Variants in LGALS8 observed in about 807,000 individuals in gnomAD.
LGALS8 encodes the protein galectin-8.
LGALS8 carries 30 observed loss-of-function variants against 35.9 expected under a neutral mutation model. That is an observed-to-expected ratio of 0.83 (90% CI 0.62 to 1.13). The LOEUF (loss-of-function observed/expected upper bound fraction) is 1.13, where lower values mean the gene tolerates loss of function less well. Among genes scored for constraint, LGALS8 ranks in the 50% most tolerant of loss-of-function variants. The pLI is 0.00. For missense variants in LGALS8, 366 were observed against 388.7 expected (o/e 0.94, Z 0.49); for synonymous variants, 138 against 136.1 (o/e 1.01, Z -0.10).
chr1:236,521,753 G>T (rs1302748952), upstream of LGALS8, among the ~76,000 whole-genome samples: 1 of 151,896 alleles, frequency 6.6e-6, no homozygotes, highest in African/African-American at 2.4e-5. Flanking sequence ...ACTTGAACAC[G>T]GTAGGCAGAG....
At chr1:236,535,288 G>A (rs1299685606) in intron 2 of LGALS8, among the ~76,000 whole-genome samples, 1 of 151,576 alleles carries the variant, frequency 6.6e-6, no homozygotes, top group Non-Finnish European at 1.5e-5. Context: ...TTTCTTTAGT[G>A]TTTCTCTTTT....
chr1:236,524,594 CG>C (rs1216806063), intron 1 of LGALS8: 1 of 363,808 alleles, frequency 2.7e-6, no homozygotes, highest in African/African-American at 2.1e-5. Flanking sequence ...TTCCTTTGAC[CG>C]TACGTGAAAC....
chr1:236,526,299 A>C lies in LGALS8; in HGVS notation c.45+184A>C. 2.1e-6 allele frequency: 1 copy of C among 465,770 alleles called. No individual in the cohort carries two copies. The highest frequency in any genetic ancestry group is 3.1e-5 in the East Asian group (1 of 32,150). The allele number at this position is 465,770 out of a possible 1,614,324, so 28.9% of individuals were successfully genotyped here. On this transcript the variant is annotated intron_variant, in intron 2 of 9. Coordinates refer to ENST00000366584, the MANE Select transcript of LGALS8 (RefSeq NM_201544.4). This position sits in a 1 kb window ranked among gnomAD's most constrained non-coding sequence, Gnocchi z 4.6. ...GCTCTTGTCCTCTAGTGGAGGAAGA[A>C]GTCACAATGATAATATGACGTGATG...
In LGALS8 at chr1:236,542,792, G is replaced by C; in HGVS notation, c.549+5G>C. 1.2e-6 allele frequency: 2 copies of C among 1,614,208 alleles called. No individual in the cohort carries two copies. Among genetic ancestry groups the C allele is most frequent in the Non-Finnish European group, 1.7e-6 (2 of 1,180,030 alleles). ...AAGTCTGGCACGCCCCAGCTTGTGA[G>C]TATTTTTGCCTGGGTTATTTCATGT... On this transcript the variant is annotated splice_donor_5th_base_variant and intron_variant, in intron 7 of 9. Transcript: ENST00000366584.
upstream of LGALS8, chr1:236,523,962 T>C (rs1487311488): frequency 5.3e-6 from 2 of 378,704 alleles, no homozygotes; most frequent in Non-Finnish European, 1.1e-5. Context: ...TCCTGTCGCT[T>C]CCCGTAGCCG....
At chr1:236,541,053 C>T (rs1661958792) in intron 5 of LGALS8, among the ~76,000 whole-genome samples, 1 of 152,148 alleles carries the variant, frequency 6.6e-6, no homozygotes, top group Non-Finnish European at 1.5e-5. Context: ...AAAGATGAAC[C>T]ACATATACAA....
At position 236,524,021 on chromosome 1, in the gene LGALS8, A is replaced by G; in HGVS notation, c.-144A>G. ...CCCTGACGGCACTTAGCTGCTGACA[A>G]ACAACCTGCTCCGTGGAGCGCCTGA... On this transcript the variant is annotated 5_prime_UTR_variant, in exon 1 of 10. Transcript: ENST00000366584. 1 of 428,998 alleles carries G rather than the reference A, an allele frequency of 2.3e-6. No individual in the cohort carries two copies. Among genetic ancestry groups the G allele is most frequent in the East Asian group, 7.1e-5 (1 of 14,034 alleles). The allele number at this position is 428,998 out of a possible 1,614,324, so 26.6% of individuals were successfully genotyped here.
chr1:236,541,735 C>G, intron 6 of LGALS8, 25 bp downstream of exon 6: 2 of 1,255,656 alleles, frequency 1.6e-6, no homozygotes, highest in Non-Finnish European at 2.2e-6. Context: ...TTTTAATGAG[C>G]CACTGGTTTA....
Position 236,540,618 on chromosome 1 carries a change from A to G in LGALS8, c.400A>G (p.Lys134Glu), listed in dbSNP as rs1400854626. Residue 134 changes from lysine to glutamate, a missense_variant, in exon 5 of 10, where the codon AAA becomes GAA. Coordinates refer to ENST00000366584, the MANE Select transcript of LGALS8 (RefSeq NM_201544.4). ...CTATGGCCACAGGATCGGCCCAGAG[A>G]AAATAGACACTCTGGGCATTTATGG... ...LLYGHRIGPE[K>E]IDTLGIYGKV... 1 of 1,611,428 alleles carries G rather than the reference A, an allele frequency of 6.2e-7. No homozygotes were observed. The highest frequency in any genetic ancestry group is 8.5e-7 in the Non-Finnish European group (1 of 1,178,820).
intron 8 of LGALS8, among the ~76,000 whole-genome samples, chr1:236,544,257 A>G (rs1662220448): frequency 6.6e-6 from 1 of 152,192 alleles, no homozygotes; most frequent in Non-Finnish European, 1.5e-5. Flanking sequence ...AGCCCAGGCA[A>G]CATTTTTTAG....
At chr1:236,520,249 G>A (rs1254903541), upstream of LGALS8, among the ~76,000 whole-genome samples, 2 of 151,822 alleles carry the variant, frequency 1.3e-5, no homozygotes, top group East Asian at 1.9e-4. Flanking sequence ...GAGCCAACGT[G>A]CCTGGTCAAA....
In LGALS8 at chr1:236,526,069, G is replaced by T; in HGVS notation, c.-2G>T. ...CTCCAATCGACAAGAAGCTGGAAAA[G>T]AATGATGTTGTCCTTAAACAACCTA... On this transcript the variant is annotated 5_prime_UTR_variant, in exon 2 of 10. Coordinates refer to ENST00000366584, the MANE Select transcript of LGALS8 (RefSeq NM_201544.4). This position sits in a 1 kb window ranked among gnomAD's most constrained non-coding sequence, Gnocchi z 4.6. 6.2e-7 allele frequency: 1 copy of T among 1,611,680 alleles called. No homozygotes were observed. The highest frequency in any genetic ancestry group is 8.5e-7 in the Non-Finnish European group (1 of 1,178,170).
intron 4 of LGALS8, chr1:236,540,111 A>G (rs1424728066): frequency 6.4e-6 from 1 of 155,426 alleles, no homozygotes; most frequent in Admixed American, 6.5e-5. Flanking sequence ...TAACTTGTCC[A>G]TATTAATTTA....
intron 3 of LGALS8, among the ~76,000 whole-genome samples, chr1:236,537,935 A>T (rs867576911): frequency 5.0e-3 from 135 of 26,754 alleles, no homozygotes; most frequent in African/African-American, 6.5e-3. Context: ...CCCCATCTGT[A>T]AAAAAAAAAA....
chr1:236,538,749 CAT>C lies in LGALS8; in HGVS notation c.135-128_135-127del. ...ATTAGACAGTCAGCTCTTTAGGCCT[CAT>C]AGTGAATGAATGAGGAGGGATTGGT... On this transcript the variant is annotated intron_variant, in intron 3 of 9. Transcript: ENST00000366584. 4.4e-6 allele frequency: 3 copies of C among 680,574 alleles called. No homozygotes were observed. The South Asian group carries it at 5.1e-5, about 12-fold the overall frequency. 42.2% of individuals were successfully genotyped at this position (680,574 alleles called of 1,614,324 possible). A position where few individuals can be genotyped will look rare whatever the true frequency, so the allele number is the denominator to read the frequency against.
chr1:236,551,832 A>G lies in LGALS8; in HGVS notation c.*3671A>G. 3.5e-6 allele frequency: 2 copies of G among 569,188 alleles called. No individual in the cohort carries two copies. The highest frequency in any genetic ancestry group is 1.9e-5 in the African/African-American group (1 of 52,970). The allele number at this position is 569,188 out of a possible 1,614,324, so 35.3% of individuals were successfully genotyped here. On this transcript the variant is annotated 3_prime_UTR_variant, in exon 10 of 10. Coordinates refer to ENST00000366584, the MANE Select transcript of LGALS8 (RefSeq NM_201544.4). Reference sequence around the variant, plus strand: ...TTGCTCCCTCCACCCAACTCAAAACAGGAGCTCGAGCCTGCCTGTATTTGA... The same window carrying G: ...TTGCTCCCTCCACCCAACTCAAAACGGGAGCTCGAGCCTGCCTGTATTTGA...
chr1:236,549,816 G>A lies in LGALS8; in HGVS notation c.*1655G>A, dbSNP rs1190016620. Reference sequence around the variant, plus strand: ...AGTCTTAAGTTCATTTTCATTTTACGTGGAGGAAAAAAATTTAAAAAGCTA... The same window carrying A: ...AGTCTTAAGTTCATTTTCATTTTACATGGAGGAAAAAAATTTAAAAAGCTA... On this transcript the variant is annotated 3_prime_UTR_variant, in exon 10 of 10. Coordinates refer to ENST00000366584, the MANE Select transcript of LGALS8 (RefSeq NM_201544.4). 3.9e-5 allele frequency: 6 copies of A among 152,180 alleles called. No individual in the cohort carries two copies. Among genetic ancestry groups the A allele is most frequent in the Admixed American group, 6.5e-5 (1 of 15,294 alleles). The allele number at this position is 152,180 out of a possible 1,614,324, so 9.4% of individuals were successfully genotyped here.
upstream of LGALS8, among the ~76,000 whole-genome samples, chr1:236,518,808 C>G (rs755035421): frequency 1.4e-4 from 21 of 152,244 alleles, no homozygotes; most frequent in Admixed American, 2.6e-4. Context: ...ATTTTCCCAG[C>G]ACTTAGCACC....
chr1:236,547,870 G>T, intron 9 of LGALS8, 142 bp from the exon 10 acceptor site: 1 of 624,462 alleles, frequency 1.6e-6, no homozygotes. Flanking sequence ...TAGGGTCTTG[G>T]AAGTCAGAAG....
Sources: allele counts gnomAD v4.1 joint callset (sites outside exome capture counted in the v4.1 genomes callset), GRCh38; gene constraint gnomAD v4.1.1; non-coding constraint Gnocchi (gnomAD v3.1); transcripts MANE v1.5; gene names NCBI Gene and HGNC (gene_info 2026-07-23, HGNC 2026-07-21).